The following FERRY3 variants were observed in gnomAD, a reference collection of about 807,000 sequenced individuals.
FERRY3 encodes the protein FERRY endosomal RAB5 effector complex subunit 3, also known as protein C12orf4.
the FERRY3 span, among the ~76,000 whole-genome samples, chr12:4,528,487 A>C: frequency 6.6e-6 from 1 of 152,096 alleles, no homozygotes; most frequent in Non-Finnish European, 1.5e-5. Context: ...CAGGTATCTC[A>C]TCAAAAAGGA....
the FERRY3 span, chr12:4,488,828 T>C: frequency 2.0e-5 from 3 of 152,320 alleles, no homozygotes; most frequent in Admixed American, 2.0e-4. The surrounding 1 kb of genome is among the most constrained non-coding windows in gnomAD (Gnocchi z 4.9). Flanking sequence ...CTTTGTTTAA[T>C]GGAGTTACTA....
At chr12:4,496,115 C>T in the FERRY3 span, among the ~76,000 whole-genome samples, 2 of 152,192 alleles carry the variant, frequency 1.3e-5, no homozygotes, top group African/African-American at 2.4e-5. Context: ...TCAAATCTTC[C>T]ATGTGCCTCC....
the FERRY3 span, chr12:4,489,784 C>G: frequency 1.3e-5 from 19 of 1,512,432 alleles, no homozygotes; most frequent in Non-Finnish European, 1.7e-5. Flanking sequence ...TCATCTTCTG[C>G]CAGCATGTCA....
At chr12:4,513,431 G>T in the FERRY3 span, among the ~76,000 whole-genome samples, 1 of 150,530 alleles carries the variant, frequency 6.6e-6, no homozygotes, top group Non-Finnish European at 1.5e-5. Context: ...AGCCCGCATC[G>T]CCAAGTCAAT....
chr12:4,510,815 G>A, the FERRY3 span, among the ~76,000 whole-genome samples: 1 of 149,062 alleles, frequency 6.7e-6, no homozygotes, highest in Non-Finnish European at 1.5e-5. Context: ...AGACCATCAA[G>A]ACTAGGAAGA....
chr12:4,510,769 C>T, the FERRY3 span, among the ~76,000 whole-genome samples: 11 of 145,028 alleles, frequency 7.6e-5, no homozygotes, highest in South Asian at 2.2e-4. Flanking sequence ...AAGGAACAAC[C>T]GGTACCAGCC....
the FERRY3 span, among the ~76,000 whole-genome samples, chr12:4,490,194 T>G: frequency 6.6e-6 from 1 of 152,192 alleles, no homozygotes; most frequent in Non-Finnish European, 1.5e-5. Context: ...TGCTAAGTTC[T>G]TCACAGAATA....
chr12:4,503,219 G>A, the FERRY3 span, among the ~76,000 whole-genome samples: 1 of 152,120 alleles, frequency 6.6e-6, no homozygotes, highest in Non-Finnish European at 1.5e-5. Flanking sequence ...AATAAAATGG[G>A]GGCCATGGGG....
At chr12:4,499,540 A>G in the FERRY3 span, among the ~76,000 whole-genome samples, 2 of 152,234 alleles carry the variant, frequency 1.3e-5, no homozygotes, top group Non-Finnish European at 2.9e-5. Flanking sequence ...ATTCATGGAA[A>G]AAGACTGTTA....
At chr12:4,518,932 T>G in the FERRY3 span, 2 of 1,253,296 alleles carry the variant, frequency 1.6e-6, no homozygotes, top group Non-Finnish European at 2.2e-6. Flanking sequence ...AAAACTTTTC[T>G]TAAAGGAAAG....
the FERRY3 span, among the ~76,000 whole-genome samples, chr12:4,532,717 ATTT>A: frequency 1.3e-5 from 2 of 151,242 alleles, no homozygotes; most frequent in Non-Finnish European, 3.0e-5. Flanking sequence ...CAATGTTTTC[ATTT>A]TTTTTTAAAT....
chr12:4,530,177 T>C, the FERRY3 span: 1 of 771,352 alleles, frequency 1.3e-6, no homozygotes, highest in Non-Finnish European at 2.0e-6. Flanking sequence ...TATATATATG[T>C]GTGTGTAAAT....
the FERRY3 span, among the ~76,000 whole-genome samples, chr12:4,506,101 CA>C: frequency 6.6e-6 from 1 of 151,864 alleles, no homozygotes; most frequent in East Asian, 1.9e-4. Flanking sequence ...AGACTGAATG[CA>C]AATTATTTTA....
chr12:4,528,700 G>C, the FERRY3 span, among the ~76,000 whole-genome samples: 1 of 152,048 alleles, frequency 6.6e-6, no homozygotes, highest in African/African-American at 2.4e-5. Flanking sequence ...ACACAGAAGA[G>C]AGTATCCCTC....
the FERRY3 span, chr12:4,518,709 A>G: frequency 1.0e-6 from 1 of 957,866 alleles, no homozygotes; most frequent in Non-Finnish European, 1.5e-6. Context: ...TTAAAAAAAT[A>G]ATAATTAAAA....
At chr12:4,519,691 G>T in the FERRY3 span, among the ~76,000 whole-genome samples, 1 of 152,184 alleles carries the variant, frequency 6.6e-6, no homozygotes, top group Non-Finnish European at 1.5e-5. This position sits in a 1 kb window ranked among gnomAD's most constrained non-coding sequence, Gnocchi z 4.3. Flanking sequence ...GAACCGGGCC[G>T]CACAGCAGGA....
At chr12:4,494,592 C>T in the FERRY3 span, among the ~76,000 whole-genome samples, 1 of 152,190 alleles carries the variant, frequency 6.6e-6, no homozygotes, top group Admixed American at 6.5e-5. Context: ...ATCCTTTCTC[C>T]CACTGCATTG....
the FERRY3 span, chr12:4,518,638 G>T: frequency 1.7e-6 from 1 of 581,114 alleles, no homozygotes; most frequent in Non-Finnish European, 2.8e-6. Flanking sequence ...TGGGTGGATT[G>T]CTTGAGCCCA....
the FERRY3 span, among the ~76,000 whole-genome samples, chr12:4,522,780 C>A: frequency 6.6e-6 from 1 of 152,192 alleles, no homozygotes; most frequent in Non-Finnish European, 1.5e-5. Flanking sequence ...TCCAACATGT[C>A]CATCACTGAG....
Sources: gnomAD v4.1 joint callset for allele counts (sites outside exome capture counted in the v4.1 genomes callset) on GRCh38, gnomAD v4.1.1 for gene constraint, Gnocchi (gnomAD v3.1) non-coding constraint, MANE v1.5 for transcripts, NCBI Gene and HGNC (gene_info 2026-07-23, HGNC 2026-07-21) for gene names.